The following CTTNBP2 variants were observed in gnomAD, a reference collection of about 807,000 sequenced individuals.
The protein encoded by CTTNBP2 is cortactin binding protein 2.
CTTNBP2 carries 108 observed loss-of-function variants against 156.9 expected under a neutral mutation model. That is an observed-to-expected ratio of 0.69 (90% CI 0.59 to 0.81). The LOEUF is 0.81. Ranked by LOEUF, CTTNBP2 falls within the 30% of genes least tolerant of loss-of-function variation. The pLI, the probability that CTTNBP2 is intolerant of heterozygous loss-of-function variation, is 0.00. For missense variants in CTTNBP2, 1,924 were observed against 2,035.4 expected (o/e 0.95, Z 1.05); for synonymous variants, 767 against 751.8 (o/e 1.02, Z -0.33).
At chr7:117,798,335 AT>A (rs1335498296) in intron 3 of CTTNBP2, among the ~76,000 whole-genome samples, 4 of 152,204 alleles carry the variant, frequency 2.6e-5, no homozygotes, top group African/African-American at 9.6e-5. Context: ...TTGCTGAGCT[AT>A]TGAGAACTAC....
chr7:117,711,447 A>AT lies in CTTNBP2; in HGVS notation c.*89dup. On this transcript the variant is annotated 3_prime_UTR_variant, in exon 23 of 23. Coordinates refer to ENST00000160373, the MANE Select transcript of CTTNBP2 (RefSeq NM_033427.3). ...TCATAATTTATATTACAGTGAAAAC[A>AT]TTTTATCAATTTAAAGGTATTTGTA... 1 of 1,387,406 alleles carries AT rather than the reference A, an allele frequency of 7.2e-7. No individual in the cohort carries two copies. The highest frequency in any genetic ancestry group is 2.3e-5 in the East Asian group (1 of 43,512). 85.9% of individuals were successfully genotyped at this position (1,387,406 alleles called of 1,614,324 possible).
At chr7:117,833,034 C>T (rs34752631) in intron 2 of CTTNBP2, among the ~76,000 whole-genome samples, 3,776 of 152,096 alleles carry the variant, frequency 0.025, 175 homozygotes, top group African/African-American at 0.087. Context: ...GGATTACAGG[C>T]GTGAGCCACC....
intron 9 of CTTNBP2, among the ~76,000 whole-genome samples, chr7:117,765,058 C>A (rs554991886): frequency 6.6e-6 from 1 of 152,280 alleles, no homozygotes; most frequent in South Asian, 2.1e-4. Context: ...GCCTCAGCCT[C>A]CTGAGCAGCT....
chr7:117,861,281 G>A lies in CTTNBP2; in HGVS notation c.117C>T (p.Ser39=), dbSNP rs752268273. ...KEFDVDTLSK[S]ELRMLLSVME... ...TCACGCTGAGGAGCATCCGCAGCTC[G>A]GATTTACTGAGAGTATCCACATCAA... is the stretch of plus-strand genomic sequence containing the variant. Residue 39 remains serine (S), a synonymous_variant, in exon 2 of 23, where the codon TCC becomes TCT. Transcript: ENST00000160373. The A allele has an allele frequency of 1.6e-5, 26 of 1,613,330 alleles. No individual in the cohort carries two copies. The highest frequency in any genetic ancestry group is 8.8e-5 in the South Asian group (8 of 90,888).
chr7:117,810,178 G>A (rs1261760967), intron 3 of CTTNBP2, among the ~76,000 whole-genome samples: 1 of 152,122 alleles, frequency 6.6e-6, no homozygotes. Context: ...GAGGCTTGAG[G>A]TCTGCAGCTG....
At chr7:117,768,117 C>CACA (rs762276689) in intron 8 of CTTNBP2, among the ~76,000 whole-genome samples, 12 of 144,744 alleles carry the variant, frequency 8.3e-5, no homozygotes, top group South Asian at 2.3e-4. Flanking sequence ...ACACACACAC[C>CACA]CACTTGGAGG....
At chr7:117,824,537 T>C (rs1305030431) in intron 2 of CTTNBP2, among the ~76,000 whole-genome samples, 2 of 152,258 alleles carry the variant, frequency 1.3e-5, no homozygotes, top group Admixed American at 6.5e-5. Context: ...TTAATTCTGC[T>C]GATATACTTT....
intron 19 of CTTNBP2, among the ~76,000 whole-genome samples, chr7:117,723,378 G>GT (rs932717952): frequency 1.3e-4 from 20 of 152,102 alleles, no homozygotes. Context: ...GCAACTTTAT[G>GT]TTTTTTAAAT....
intron 20 of CTTNBP2, among the ~76,000 whole-genome samples, chr7:117,720,168 A>C (rs1445673684): frequency 6.7e-6 from 1 of 150,172 alleles, no homozygotes; most frequent in Non-Finnish European, 1.5e-5. Context: ...CGTGCCATGC[A>C]GTTTCCTTCA....
chr7:117,786,607 A>C (rs2116830971), intron 4 of CTTNBP2, among the ~76,000 whole-genome samples: 1 of 152,204 alleles, frequency 6.6e-6, no homozygotes, highest in Non-Finnish European at 1.5e-5. Flanking sequence ...TGGGGCTCAT[A>C]CTCAGCCTCT....
intron 17 of CTTNBP2, among the ~76,000 whole-genome samples, chr7:117,727,397 G>A (rs755887658): frequency 2.6e-5 from 4 of 151,812 alleles, no homozygotes; most frequent in African/African-American, 7.3e-5. Flanking sequence ...GTCTCACTAC[G>A]TTGCCTGGGC....
chr7:117,756,665 G>T, intron 11 of CTTNBP2, 31 bp from the exon 12 acceptor site: 2 of 1,334,740 alleles, frequency 1.5e-6, no homozygotes. Context: ...AGAAAAATGG[G>T]TGTTCCCTTG....
intron 16 of CTTNBP2, among the ~76,000 whole-genome samples, chr7:117,729,446 G>A (rs1455365555): frequency 2.6e-5 from 4 of 152,154 alleles, no homozygotes; most frequent in Non-Finnish European, 5.9e-5. Context: ...CATTCCTTCA[G>A]TGTTAATGGA....
intron 2 of CTTNBP2, among the ~76,000 whole-genome samples, chr7:117,834,528 A>G (rs1801812567): frequency 6.6e-6 from 1 of 152,202 alleles, no homozygotes; most frequent in African/African-American, 2.4e-5. Context: ...CAGTTAGGAA[A>G]TGATGGGAAA....
In CTTNBP2 at chr7:117,863,534, T is replaced by C. The variant is rs185199281; in HGVS notation, c.82-2218A>G. ...GGGGCTCCACCCCTGGAAATTGTGA[T>C]TCAGTGAGTCCGAGGTGGGGCTGTG... is the stretch of plus-strand genomic sequence containing the variant. On this transcript the variant is annotated intron_variant, in intron 1 of 22. Transcript: ENST00000160373. 2.6e-5 allele frequency among the ~76,000 whole-genome samples: 4 copies of C among 152,360 alleles called. No homozygotes were observed. The East Asian group carries it at 5.8e-4, about 22-fold the overall frequency.
intron 2 of CTTNBP2, among the ~76,000 whole-genome samples, chr7:117,831,064 T>G (rs1288038322): frequency 6.6e-6 from 1 of 152,188 alleles, no homozygotes; most frequent in East Asian, 1.9e-4. Context: ...AAACCTACAT[T>G]TTAAACTTTT....
At chr7:117,722,121 C>T (rs1443250102) in intron 19 of CTTNBP2, among the ~76,000 whole-genome samples, 1 of 152,202 alleles carries the variant, frequency 6.6e-6, no homozygotes, top group Non-Finnish European at 1.5e-5. Context: ...AGCGCACAGC[C>T]TTGGGCTCTG....
intron 8 of CTTNBP2, among the ~76,000 whole-genome samples, chr7:117,769,531 T>C (rs1185802579): frequency 6.6e-6 from 1 of 152,210 alleles, no homozygotes; most frequent in Non-Finnish European, 1.5e-5. Flanking sequence ...TATGTGGCCA[T>C]TAAAAAAGTA....
At position 117,791,514 on chromosome 7, in the gene CTTNBP2, G is replaced by A. The variant is rs542506526; in HGVS notation, c.1682C>T (p.Pro561Leu). The A allele has an allele frequency of 2.8e-5, 46 of 1,614,210 alleles. No individual in the cohort carries two copies. In the South Asian group the frequency reaches 4.5e-4, roughly 16 times the overall value. Residue 561 changes from proline (P) to leucine (L), a missense_variant, in exon 4 of 23, where the codon CCC becomes CTC. Transcript: ENST00000160373. ...GCTGTCTATAATAACCTTGAGTTGGGGGTGTGGTGGAGAAGGAGTTTGGGA... is the reference window on the plus strand; with the variant it reads ...GCTGTCTATAATAACCTTGAGTTGGAGGTGTGGTGGAGAAGGAGTTTGGGA... The part of the protein sequence containing the change: ...GLSQTPSPPH[P>L]QLKVIIDSSR...
Sources: gnomAD v4.1 joint callset for allele counts (sites outside exome capture counted in the v4.1 genomes callset) on GRCh38, gnomAD v4.1.1 for gene constraint, MANE v1.5 for transcripts, NCBI Gene and HGNC (gene_info 2026-07-23, HGNC 2026-07-21) for gene names.